The following MAGI3 variants were observed in gnomAD, a reference collection of about 807,000 sequenced individuals.
The protein encoded by MAGI3 is membrane associated guanylate kinase, WW and PDZ domain containing 3, also known as membrane-associated guanylate kinase, WW and PDZ domain-containing protein 3.
Under a neutral mutation model 121.8 loss-of-function variants are expected in MAGI3, and 43 were observed. That is an observed-to-expected ratio of 0.35 (90% CI 0.28 to 0.46). The LOEUF (loss-of-function observed/expected upper bound fraction) is 0.46. Ranked by LOEUF, MAGI3 falls within the 20% of genes least tolerant of loss-of-function variation. The pLI, the probability that MAGI3 is intolerant of heterozygous loss-of-function variation, is 1.00. For missense variants in MAGI3, 1,547 were observed against 1,797.3 expected (o/e 0.86, Z 2.52); for synonymous variants, 553 against 639.3 (o/e 0.86, Z 2.04).
At chr1:113,635,398 C>T (rs371170789) in intron 9 of MAGI3, among the ~76,000 whole-genome samples, 17 of 151,162 alleles carry the variant, frequency 1.1e-4, no homozygotes, top group Non-Finnish European at 2.4e-4. Context: ...GAGATACGTC[C>T]CATCAATACC....
At chr1:113,393,837 C>T (rs1553180255) in intron 1 of MAGI3, among the ~76,000 whole-genome samples, 1 of 152,108 alleles carries the variant, frequency 6.6e-6, no homozygotes, top group Non-Finnish European at 1.5e-5. Flanking sequence ...ATTGATTTTT[C>T]AATTTAATAA....
intron 1 of MAGI3, among the ~76,000 whole-genome samples, chr1:113,468,154 T>A (rs369868566): frequency 6.6e-6 from 1 of 152,200 alleles, no homozygotes; most frequent in Non-Finnish European, 1.5e-5. Context: ...AGTTGAATTG[T>A]TTCTTTATCT....
chr1:113,400,893 C>T (rs1255627579), intron 1 of MAGI3, among the ~76,000 whole-genome samples: 1 of 152,102 alleles, frequency 6.6e-6, no homozygotes, highest in African/African-American at 2.4e-5. Flanking sequence ...TTCAGCCTCC[C>T]TTGGGTGACA....
intron 1 of MAGI3, among the ~76,000 whole-genome samples, chr1:113,531,518 G>A (rs926485477): frequency 2.0e-5 from 3 of 152,072 alleles, no homozygotes; most frequent in Non-Finnish European, 2.9e-5. Flanking sequence ...CCAACAGAGT[G>A]TTGTTGAATG....
chr1:113,681,445 G>C, intron 20 of MAGI3, 109 bp downstream of exon 20: 1 of 1,215,454 alleles, frequency 8.2e-7, no homozygotes, highest in Non-Finnish European at 1.1e-6. Context: ...TTAATTCAGA[G>C]GTGAATGCTA....
rs149498920 is a variant in MAGI3, at chr1:113,671,909, C to T, written c.2918+73C>T. ...CTTATTGCTCTGCTGTTCATAACCC[C>T]ACTCCCCATCATCCACCCCCATGCA... On this transcript the variant is annotated intron_variant, in intron 17 of 20. Coordinates refer to ENST00000307546, the MANE Select transcript of MAGI3 (RefSeq NM_001142782.2). 9.2e-6 allele frequency: 12 copies of T among 1,297,408 alleles called. No homozygotes were observed. The Admixed American group carries it at 1.9e-4, about 21-fold the overall frequency. The allele number at this position is 1,297,408 out of a possible 1,614,324, so 80.4% of individuals were successfully genotyped here.
intron 1 of MAGI3, among the ~76,000 whole-genome samples, chr1:113,437,888 T>TCC (rs1653696048): frequency 2.8e-3 from 6 of 2,148 alleles, no homozygotes; most frequent in South Asian, 0.031. Flanking sequence ...CTCCTTCTCC[T>TCC]TCTCCTTCTC....
At chr1:113,411,887 T>A (rs974267110) in intron 1 of MAGI3, among the ~76,000 whole-genome samples, 5 of 152,130 alleles carry the variant, frequency 3.3e-5, no homozygotes, top group Admixed American at 3.3e-4. Context: ...TTATTTATTT[T>A]ATTATACGTT....
chr1:113,530,827 G>A (rs1417094782), intron 1 of MAGI3, among the ~76,000 whole-genome samples: 1 of 152,128 alleles, frequency 6.6e-6, no homozygotes, highest in African/African-American at 2.4e-5. Context: ...GAGGTGGGAG[G>A]ATTGCTTGAG....
intron 3 of MAGI3, among the ~76,000 whole-genome samples, chr1:113,583,658 A>G (rs1648181735): frequency 6.6e-6 from 1 of 152,038 alleles, no homozygotes; most frequent in Non-Finnish European, 1.5e-5. Flanking sequence ...TCCCCAGCCA[A>G]ATCTCTGTTT....
intron 2 of MAGI3, among the ~76,000 whole-genome samples, chr1:113,557,860 A>C (rs1386803587): frequency 6.6e-6 from 1 of 152,236 alleles, no homozygotes; most frequent in Non-Finnish European, 1.5e-5. Flanking sequence ...GGAAGCAGCA[A>C]GCTGCCATCC....
Position 113,673,390 on chromosome 1 carries a change from G to A in MAGI3, c.3114G>A (p.Gly1038=), listed in dbSNP as rs762978639. The A allele has an allele frequency of 5.0e-6, 8 of 1,612,438 alleles. No individual in the cohort carries two copies. In the Admixed American group the frequency reaches 1.2e-4, roughly 24 times the overall value. The change falls in exon 19 of 21, where the codon GGG becomes GGA. Residue 1038 remains glycine (G), a synonymous_variant. Transcript: ENST00000307546. ...GCTTTGGATTCAGCCTCCGAGGGGG[G>A]AAGGAGTACAACATGGGGCTGTTCA... is the stretch of plus-strand genomic sequence containing the variant. ...PRGFGFSLRG[G]KEYNMGLFIL... is the part of the protein sequence containing the mutation.
intron 16 of MAGI3, among the ~76,000 whole-genome samples, chr1:113,668,768 G>A (rs1647331847): frequency 6.6e-6 from 1 of 151,262 alleles, no homozygotes; most frequent in Non-Finnish European, 1.5e-5. Context: ...ATTTTTAGTA[G>A]AGACGGGGTT....
chr1:113,441,459 T>C (rs1370572322), intron 1 of MAGI3, among the ~76,000 whole-genome samples: 1 of 152,172 alleles, frequency 6.6e-6, no homozygotes, highest in African/African-American at 2.4e-5. Context: ...TAGAAACTGG[T>C]ATAATGGATG....
At chr1:113,530,738 T>C (rs1246401805) in intron 1 of MAGI3, among the ~76,000 whole-genome samples, 1 of 151,746 alleles carries the variant, frequency 6.6e-6, no homozygotes, top group African/African-American at 2.4e-5. Context: ...CTGGGCAACA[T>C]AGTGAAACCC....
At chr1:113,564,246 A>G (rs995660398) in intron 2 of MAGI3, among the ~76,000 whole-genome samples, 1 of 152,130 alleles carries the variant, frequency 6.6e-6, no homozygotes, top group African/African-American at 2.4e-5. Context: ...TTCCAATGAG[A>G]GGTGGGATGC....
chr1:113,592,186 A>G (rs1557840480), intron 5 of MAGI3, among the ~76,000 whole-genome samples: 1 of 152,202 alleles, frequency 6.6e-6, no homozygotes, highest in African/African-American at 2.4e-5. Context: ...TATATATTAT[A>G]AAGGGTTAAT....
chr1:113,474,166 A>G (rs1323092350), intron 1 of MAGI3, among the ~76,000 whole-genome samples: 1 of 151,866 alleles, frequency 6.6e-6, no homozygotes, highest in African/African-American at 2.4e-5. Context: ...GATATTAGCC[A>G]TTTGTCAGAT....
intron 6 of MAGI3, among the ~76,000 whole-genome samples, chr1:113,602,211 TTAAAG>T (rs1649442229): frequency 6.6e-6 from 1 of 151,906 alleles, no homozygotes; most frequent in African/African-American, 2.4e-5. Context: ...ACCCTAAAAC[TTAAAG>T]TATAATAATA....
Sources: allele counts gnomAD v4.1 joint callset (sites outside exome capture counted in the v4.1 genomes callset), GRCh38; gene constraint gnomAD v4.1.1; transcripts MANE v1.5; gene names NCBI Gene and HGNC (gene_info 2026-07-23, HGNC 2026-07-21).